The following CRB2 variants were observed in gnomAD, a reference collection of about 807,000 sequenced individuals.
The protein encoded by CRB2 is protein crumbs homolog 2.
CRB2 carries 85 observed loss-of-function variants against 110.9 expected under a neutral mutation model. The observed-to-expected ratio is 0.77, with a 90% CI of 0.64 to 0.92. The LOEUF is 0.92. Ranked by LOEUF, CRB2 falls within the 40% of genes least tolerant of loss-of-function variation. The pLI is 0.00. For missense variants in CRB2, 1,843 were observed against 1,851.3 expected (o/e 1.00, Z 0.08); for synonymous variants, 907 against 831.0 (o/e 1.09, Z -1.57).
chr9:123,367,453 ACC>A (rs2041953457), intron 5 of CRB2, 96 bp downstream of exon 5: 2 of 471,310 alleles, frequency 4.2e-6, no homozygotes, highest in Non-Finnish European at 5.6e-6. Context: ...CCCACCCCAC[ACC>A]CCACACCCGA....
chr9:123,367,899 T>C (rs919312744), intron 6 of CRB2, among the ~76,000 whole-genome samples: 1 of 151,802 alleles, frequency 6.6e-6, no homozygotes, highest in Non-Finnish European at 1.5e-5. Context: ...GCTGGGGCCA[T>C]AGTGGGCTGA....
upstream of CRB2, chr9:123,356,078 T>C: frequency 2.3e-6 from 1 of 430,628 alleles, no homozygotes; most frequent in Non-Finnish European, 4.0e-6. Context: ...TCTAGGGACG[T>C]CCACGAGGTG....
At chr9:123,366,674 CG>C (rs966766738) in intron 4 of CRB2, among the ~76,000 whole-genome samples, 2 of 152,098 alleles carry the variant, frequency 1.3e-5, no homozygotes, top group African/African-American at 4.8e-5. Context: ...AAGACTAGGC[CG>C]GGCGCGGTGG....
chr9:123,372,384 C>T (rs764136981), intron 9 of CRB2, 42 bp downstream of exon 9: 17 of 1,551,730 alleles, frequency 1.1e-5, no homozygotes, highest in Non-Finnish European at 1.4e-5. Flanking sequence ...GGGTGCTGGA[C>T]ACCTAAGCTG....
At chr9:123,366,154 C>A (rs747580919) in intron 3 of CRB2, 42 bp downstream of exon 3, 1 of 1,378,308 alleles carries the variant, frequency 7.3e-7, no homozygotes, top group African/African-American at 1.5e-5. Context: ...GCCGGGTGCC[C>A]GAGGGCGGGG....
At position 123,365,221 on chromosome 9, in the gene CRB2, G is replaced by T. The variant is rs868794; in HGVS notation, c.419-696G>T. On this transcript the variant is annotated intron_variant, in intron 2 of 12. Coordinates refer to ENST00000373631, the MANE Select transcript of CRB2 (RefSeq NM_173689.7). The stretch of plus-strand genomic sequence containing the variant: ...GAGATTGCAGTGGGCTAAGATTGCA[G>T]CACTGCACTCCAGCCTGGGCGACAG... 3.4e-3 allele frequency among the ~76,000 whole-genome samples: 515 copies of T among 152,088 alleles called. 4 individuals are homozygous for T. The highest frequency in any genetic ancestry group is 6.1e-3 in the Non-Finnish European group (414 of 67,988).
rs770512794 is a variant in CRB2, at chr9:123,370,642, C to A, written c.1589C>A (p.Thr530Asn). The change falls in exon 7 of 13, where the codon ACC (threonine) becomes AAC (asparagine). Residue 530 changes from threonine to asparagine, a missense_variant. Physicochemically the swap from Thr to Asn is moderately conservative, Grantham distance 65. Coordinates refer to ENST00000373631, the MANE Select transcript of CRB2 (RefSeq NM_173689.7). The part of the protein sequence containing the change: ...HQVEVVLHLA[T>N]LELRLWHEGC... ...GTGGAGGTTGTGCTCCATCTAGCGA[C>A]CCTGGAGCTACGGCTCTGGCATGAG... 2.5e-6 allele frequency: 4 copies of A among 1,609,564 alleles called. No homozygotes were observed. The highest frequency in any genetic ancestry group is 3.3e-4 in the Middle Eastern group (2 of 6,058).
intron 2 of CRB2, 104 bp downstream of exon 2, chr9:123,363,292 C>A: frequency 8.1e-7 from 1 of 1,238,680 alleles, no homozygotes; most frequent in Non-Finnish European, 1.1e-6. Flanking sequence ...TGTAGGGACG[C>A]CCCCAGGCAT....
rs1377557720 is a variant in CRB2 at position 123,370,795 on chromosome 9, A to G, written c.1742A>G (p.Gln581Arg). ...LGDATFAGCL[Q>R]DVRVDGHLLL... ...GACGCGACCTTTGCAGGCTGCCTCC[A>G]GGACGTGCGTGTGGATGGCCACCTC... The change falls in exon 7 of 13, where the codon CAG becomes CGG. Residue 581 changes from glutamine (Q) to arginine (R), a missense_variant. Physicochemically the swap from Gln to Arg is conservative, Grantham distance 43. Coordinates refer to ENST00000373631, the MANE Select transcript of CRB2 (RefSeq NM_173689.7). 6.2e-7 allele frequency: 1 copy of G among 1,603,142 alleles called. No individual in the cohort carries two copies. Among genetic ancestry groups the G allele is most frequent in the Non-Finnish European group, 8.5e-7 (1 of 1,179,920 alleles).
chr9:123,365,681 C>T (rs976049912), intron 2 of CRB2, among the ~76,000 whole-genome samples: 6 of 152,208 alleles, frequency 3.9e-5, no homozygotes, highest in Admixed American at 6.5e-5. Flanking sequence ...GAATCACCCC[C>T]CACCATGTCC....
At chr9:123,354,215 A>G (rs2132720302), upstream of CRB2, among the ~76,000 whole-genome samples, 1 of 152,306 alleles carries the variant, frequency 6.6e-6, no homozygotes, top group Non-Finnish European at 1.5e-5. Flanking sequence ...AGACCTCACA[A>G]GACACTTCCA....
intron 9 of CRB2, among the ~76,000 whole-genome samples, chr9:123,372,787 G>T (rs2042035176): frequency 6.6e-6 from 1 of 152,210 alleles, no homozygotes; most frequent in Non-Finnish European, 1.5e-5. Context: ...ACTGGCTGCA[G>T]TGAAGGGCAA....
intron 4 of CRB2, 62 bp from the exon 5 acceptor site, chr9:123,367,110 T>C (rs1253792959): frequency 4.2e-5 from 62 of 1,482,476 alleles, no homozygotes; most frequent in Non-Finnish European, 5.3e-5. Flanking sequence ...AGCCTGGTCA[T>C]AGTGAAGAGG....
intron 5 of CRB2, 69 bp from the exon 6 acceptor site, chr9:123,367,504 G>C: frequency 7.3e-7 from 1 of 1,373,464 alleles, no homozygotes; most frequent in Middle Eastern, 2.5e-4. Context: ...TCTAGCTATA[G>C]AATGGACCCT....
At chr9:123,373,018 G>C (rs2042038619) in intron 9 of CRB2, 116 bp from the exon 10 acceptor site, 1 of 803,232 alleles carries the variant, frequency 1.2e-6, no homozygotes, top group South Asian at 2.0e-5. Flanking sequence ...TGATAGGTGG[G>C]TGCGTGTGCC....
Position 123,363,013 on chromosome 9 carries a change from G to C in CRB2, c.243G>C (p.Leu81=), listed in dbSNP as rs377472838. ...CATQPCHHGA[L]CVPQGPDPTG... Reference sequence around the variant, plus strand: ...CCCAGCCATGCCACCACGGCGCTCTGTGTGTGCCCCAGGGTCCAGATCCCA... The same window carrying C: ...CCCAGCCATGCCACCACGGCGCTCTCTGTGTGCCCCAGGGTCCAGATCCCA... Residue 81 remains leucine (L), a synonymous_variant, in exon 2 of 13, where the codon CTG becomes CTC. Coordinates refer to ENST00000373631, the MANE Select transcript of CRB2 (RefSeq NM_173689.7). The C allele has an allele frequency of 1.6e-4, 257 of 1,612,610 alleles. No individual in the cohort carries two copies. The highest frequency in any genetic ancestry group is 8.3e-4 in the Middle Eastern group (5 of 6,056).
At position 123,377,899 on chromosome 9, in the gene CRB2, C is replaced by G. The variant is rs2042128359; in HGVS notation, c.*837C>G. On this transcript the variant is annotated 3_prime_UTR_variant, in exon 13 of 13. Coordinates refer to ENST00000373631, the MANE Select transcript of CRB2 (RefSeq NM_173689.7). Reference sequence around the variant, plus strand: ...TACCTCACAGGGCTGTTGTGAGGATCAGAGAGGACGACAGTGGGGAAAGAA... The same window carrying G: ...TACCTCACAGGGCTGTTGTGAGGATGAGAGAGGACGACAGTGGGGAAAGAA... 2 of 152,286 alleles carry G rather than the reference C, an allele frequency of 1.3e-5. No individual in the cohort carries two copies. Among genetic ancestry groups the G allele is most frequent in the African/African-American group, 4.8e-5 (2 of 41,462 alleles). The allele number at this position is 152,286 out of a possible 1,614,324, so 9.4% of individuals were successfully genotyped here. A position where few individuals can be genotyped will look rare whatever the true frequency, so the allele number is the denominator to read the frequency against.
In CRB2 at chr9:123,370,649, G is replaced by C. The variant is rs1436737323; in HGVS notation, c.1596G>C (p.Glu532Asp). Residue 532 changes from glutamate to aspartate, a missense_variant, in exon 7 of 13, where the codon GAG (glutamate) becomes GAC (aspartate). Glu to Asp is a conservative substitution (Grantham distance 45). Transcript: ENST00000373631. Reference sequence around the variant, plus strand: ...TTGTGCTCCATCTAGCGACCCTGGAGCTACGGCTCTGGCATGAGGGCTGCC... The same window carrying C: ...TTGTGCTCCATCTAGCGACCCTGGACCTACGGCTCTGGCATGAGGGCTGCC... ...VEVVLHLATL[E>D]LRLWHEGCPA... 2 of 1,608,864 alleles carry C rather than the reference G, an allele frequency of 1.2e-6. No homozygotes were observed. The highest frequency in any genetic ancestry group is 1.7e-6 in the Non-Finnish European group (2 of 1,180,016).
At chr9:123,379,855 CCTGGGGGT>C (rs962668231), downstream of CRB2, 4 of 152,368 alleles carry the variant, frequency 2.6e-5, no homozygotes, top group African/African-American at 9.6e-5. Flanking sequence ...CCGGATGGGG[CCTGGGGGT>C]CTGCCCAGGG....
Sources: allele counts gnomAD v4.1 joint callset (sites outside exome capture counted in the v4.1 genomes callset), GRCh38; gene constraint gnomAD v4.1.1; transcripts MANE v1.5; gene names NCBI Gene and HGNC (gene_info 2026-07-23, HGNC 2026-07-21).